KCNIP4: variants seen among roughly 807,000 people sequenced by gnomAD.
The protein encoded by KCNIP4 is potassium voltage-gated channel interacting protein 4.
In KCNIP4, 12 loss-of-function variants were observed where a neutral mutation model predicts 34.0. The ratio of observed to expected loss-of-function variants is 0.35; its 90% CI spans 0.23 to 0.57. KCNIP4 has a LOEUF of 0.57. Among genes scored for constraint, KCNIP4 ranks in the 20% least tolerant of loss-of-function variants. The pLI is 0.83. For synonymous variants in KCNIP4, 124 were observed against 102.2 expected (o/e 1.21, Z -1.29); for missense variants, 238 against 311.7 (o/e 0.76, Z 1.78).
rs1728534996 is a variant in KCNIP4 at position 21,451,894 on chromosome 4, TA to T, written c.61+496676del. 6.6e-5 allele frequency among the ~76,000 whole-genome samples: 10 copies of T among 152,260 alleles called. 1 individual carries two copies. The highest frequency in any genetic ancestry group is 2.4e-4 in the African/African-American group (10 of 41,540). Reference sequence around the variant, plus strand: ...TAAGGAAAAGGAAACTAGAAGAGAATAATTCTTAGGACATCTGAACATTCAA... The same window carrying T: ...TAAGGAAAAGGAAACTAGAAGAGAATATTCTTAGGACATCTGAACATTCAA... On this transcript the variant is annotated intron_variant, in intron 1 of 8. Coordinates refer to ENST00000382152, the MANE Select transcript of KCNIP4 (RefSeq NM_025221.6).
intron 1 of KCNIP4, among the ~76,000 whole-genome samples, chr4:21,321,927 G>T (rs903487414): frequency 1.4e-5 from 2 of 138,804 alleles, no homozygotes; most frequent in Non-Finnish European, 3.1e-5. Flanking sequence ...GAAGGAAAAA[G>T]GTGGGAAGGA....
intron 1 of KCNIP4, among the ~76,000 whole-genome samples, chr4:21,554,196 A>G (rs189316437): frequency 1.6e-3 from 242 of 152,254 alleles, no homozygotes; most frequent in Non-Finnish European, 2.5e-3. Flanking sequence ...GACATGCAAT[A>G]TGGGGGACAT....
chr4:21,517,878 A>G (rs762238619), intron 1 of KCNIP4, among the ~76,000 whole-genome samples: 2 of 152,142 alleles, frequency 1.3e-5, no homozygotes, highest in Non-Finnish European at 2.9e-5. Context: ...TAGAAGACCT[A>G]AACTAGGAAA....
intron 3 of KCNIP4, among the ~76,000 whole-genome samples, chr4:20,759,282 TCA>T (rs1162268482): frequency 6.6e-6 from 1 of 152,210 alleles, no homozygotes; most frequent in African/African-American, 2.4e-5. Flanking sequence ...TTTTCTGAAC[TCA>T]CATAATCTTC....
At chr4:21,056,351 T>A (rs1383767808) in intron 1 of KCNIP4, among the ~76,000 whole-genome samples, 3 of 152,200 alleles carry the variant, frequency 2.0e-5, no homozygotes, top group African/African-American at 7.2e-5. Context: ...ACTGTTCTAC[T>A]TCCTTACTCT....
chr4:21,477,179 C>A (rs1731053774), intron 1 of KCNIP4, among the ~76,000 whole-genome samples: 1 of 152,130 alleles, frequency 6.6e-6, no homozygotes, highest in African/African-American at 2.4e-5. Flanking sequence ...TTCCCAAAGC[C>A]AATTATTCTT....
At chr4:21,642,879 G>A (rs1746712328) in intron 1 of KCNIP4, among the ~76,000 whole-genome samples, 1 of 152,094 alleles carries the variant, frequency 6.6e-6, no homozygotes, top group African/African-American at 2.4e-5. Context: ...GATCCTTAAG[G>A]CATCCCTTAT....
intron 1 of KCNIP4, among the ~76,000 whole-genome samples, chr4:21,230,570 G>A (rs932648657): frequency 6.6e-6 from 1 of 152,084 alleles, no homozygotes; most frequent in African/African-American, 2.4e-5. Flanking sequence ...TTGTGTCCAT[G>A]TGTTCCTATT....
intron 1 of KCNIP4, among the ~76,000 whole-genome samples, chr4:21,335,329 C>A (rs1175242040): frequency 6.6e-6 from 1 of 152,016 alleles, no homozygotes; most frequent in Non-Finnish European, 1.5e-5. Flanking sequence ...CTCTTAGTAA[C>A]TAAAATTTTA....
intron 1 of KCNIP4, among the ~76,000 whole-genome samples, chr4:21,878,264 C>G (rs1578102247): frequency 1.3e-5 from 2 of 152,100 alleles, no homozygotes; most frequent in Non-Finnish European, 2.9e-5. Flanking sequence ...TTAGAAGAGA[C>G]AGAGTTTCAC....
At chr4:21,446,851 A>T (rs1443152652) in intron 1 of KCNIP4, among the ~76,000 whole-genome samples, 1 of 152,166 alleles carries the variant, frequency 6.6e-6, no homozygotes, top group Non-Finnish European at 1.5e-5. Context: ...TATTGGGTAT[A>T]TTAATAGTTC....
intron 1 of KCNIP4, among the ~76,000 whole-genome samples, chr4:20,987,756 T>G (rs1736705851): frequency 6.6e-6 from 1 of 151,856 alleles, no homozygotes; most frequent in South Asian, 2.1e-4. Context: ...TCCCAGCATT[T>G]TGGGAGGCCG....
chr4:21,811,110 C>T (rs1721624138), intron 1 of KCNIP4, among the ~76,000 whole-genome samples: 2 of 152,136 alleles, frequency 1.3e-5, no homozygotes, highest in Non-Finnish European at 2.9e-5. Context: ...AGCCCTCTGG[C>T]TAGAAAACAC....
chr4:21,328,669 C>A (rs189701932), intron 1 of KCNIP4, among the ~76,000 whole-genome samples: 4 of 152,208 alleles, frequency 2.6e-5, no homozygotes, highest in African/African-American at 9.6e-5. Flanking sequence ...CCCTTCAGGG[C>A]GGCAAGTTCC....
intron 1 of KCNIP4, among the ~76,000 whole-genome samples, chr4:21,637,147 G>C (rs1746243734): frequency 6.6e-6 from 1 of 151,970 alleles, no homozygotes; most frequent in Non-Finnish European, 1.5e-5. Context: ...GAATATGGAG[G>C]GTGGACTGTA....
At chr4:20,735,881 G>A (rs1051880303) in intron 5 of KCNIP4, among the ~76,000 whole-genome samples, 3 of 152,138 alleles carry the variant, frequency 2.0e-5, no homozygotes, top group East Asian at 3.9e-4. Context: ...ACAATGTGCT[G>A]TATTCAGTTT....
chr4:21,759,882 T>G (rs1157356318), intron 1 of KCNIP4, among the ~76,000 whole-genome samples: 1 of 151,980 alleles, frequency 6.6e-6, no homozygotes, highest in Admixed American at 6.6e-5. Flanking sequence ...AAAGTCCTCA[T>G]TTTTCACCTC....
chr4:21,092,457 C>A (rs1464155866), intron 1 of KCNIP4, among the ~76,000 whole-genome samples: 4 of 152,100 alleles, frequency 2.6e-5, no homozygotes, highest in Non-Finnish European at 5.9e-5. Flanking sequence ...GTCAATATTG[C>A]TTTTCTTCTT....
At chr4:20,948,438 A>C (rs539799733) in intron 1 of KCNIP4, among the ~76,000 whole-genome samples, 39 of 152,222 alleles carry the variant, frequency 2.6e-4, no homozygotes, top group African/African-American at 9.4e-4. Context: ...CTCTGCTCCT[A>C]TCTTTCCAGC....
Sources: gnomAD v4.1 joint callset for allele counts (sites outside exome capture counted in the v4.1 genomes callset) on GRCh38, gnomAD v4.1.1 for gene constraint, MANE v1.5 for transcripts, NCBI Gene and HGNC (gene_info 2026-07-23, HGNC 2026-07-21) for gene names.